The following CSMD1 variants were observed in gnomAD, a reference collection of about 807,000 sequenced individuals.
The protein encoded by CSMD1 is CUB and sushi domain-containing protein 1.
In CSMD1, 213 loss-of-function variants were observed where a neutral mutation model predicts 417.5. The ratio of observed to expected loss-of-function variants is 0.51; its 90% confidence interval spans 0.46 to 0.57. CSMD1 has a LOEUF of 0.57. Among genes scored for constraint, CSMD1 ranks in the 20% least tolerant of loss-of-function variants. The pLI is 0.00. For missense variants in CSMD1, 6,923 were observed against 4,529.7 expected (o/e 1.53, Z -15.17); for synonymous variants, 2,862 against 1,736.8 (o/e 1.65, Z -16.11).
chr8:3,396,216 G>A lies in CSMD1; in HGVS notation c.2571C>T (p.Ile857=), dbSNP rs777357198. 3.2e-6 allele frequency: 5 copies of A among 1,565,896 alleles called. No homozygotes were observed. The highest frequency in any genetic ancestry group is 2.4e-5 in the South Asian group (2 of 84,944). The change falls in exon 17 of 70, where the codon ATC becomes ATT. Residue 857 remains isoleucine (I), a synonymous_variant. Transcript: ENST00000635120. Reference sequence around the variant, plus strand: ...CACTCTCATAGTGGATGAGGAAGCCGATGCTGGAGCGGCTGTTGTCAGTGG... The same window carrying A: ...CACTCTCATAGTGGATGAGGAAGCCAATGCTGGAGCGGCTGTTGTCAGTGG... The part of the protein sequence containing the change: ...LFTTDNSRSS[I]GFLIHYESVT...
rs923691834 is a variant in CSMD1 at position 3,593,057 on chromosome 8, G to A, written c.1098-6797C>T. 3.3e-5 allele frequency among the ~76,000 whole-genome samples: 5 copies of A among 152,310 alleles called. No homozygotes were observed. The East Asian group carries it at 5.8e-4, about 18-fold the overall frequency. On this transcript the variant is annotated intron_variant, in intron 8 of 69. Coordinates refer to ENST00000635120, the MANE Select transcript of CSMD1 (RefSeq NM_033225.6). ...AGAGGCTGGAAGCCCTGGCTGGGGG[G>A]TCCTGCCCAGTGAGAAGGAATGGAG... is the stretch of plus-strand genomic sequence containing the variant.
chr8:4,152,034 C>A (rs1030927334), intron 3 of CSMD1, among the ~76,000 whole-genome samples: 1 of 152,106 alleles, frequency 6.6e-6, no homozygotes, highest in Admixed American at 6.6e-5. Flanking sequence ...AGCTCGATAC[C>A]TTCATTTGAC....
At chr8:3,455,732 C>T (rs147048430) in intron 12 of CSMD1, among the ~76,000 whole-genome samples, 1,749 of 152,300 alleles carry the variant, frequency 0.011, 13 homozygotes, top group Non-Finnish European at 0.018. Flanking sequence ...ACTGGGGATG[C>T]GTCCCAGTTA....
intron 53 of CSMD1, among the ~76,000 whole-genome samples, chr8:2,999,391 T>A (rs1295329509): frequency 6.6e-6 from 1 of 152,078 alleles, no homozygotes; most frequent in East Asian, 1.9e-4. Context: ...TGACCTCAGG[T>A]GATCCACCTG....
chr8:3,921,800 A>C (rs538757069), intron 5 of CSMD1, among the ~76,000 whole-genome samples: 7 of 152,186 alleles, frequency 4.6e-5, no homozygotes, highest in African/African-American at 1.4e-4. Flanking sequence ...TTTATGGCCT[A>C]ACATATGATC....
intron 50 of CSMD1, among the ~76,000 whole-genome samples, chr8:3,034,104 G>C (rs1379911001): frequency 6.6e-6 from 1 of 152,220 alleles, no homozygotes; most frequent in Non-Finnish European, 1.5e-5. Flanking sequence ...ACCTTGCCTG[G>C]ATTTGAAGGC....
In CSMD1 at chr8:3,418,573, T is replaced by C. The variant is rs186687075; in HGVS notation, c.1562-8968A>G. Among the ~76,000 whole-genome samples the C allele has an allele frequency of 6.0e-4, 91 of 152,332 alleles. No homozygotes were observed. In the Middle Eastern group the frequency reaches 0.034, roughly 57 times the overall value. On this transcript the variant is annotated intron_variant, in intron 12 of 69. Transcript: ENST00000635120. ...ATTTGGGTATATAAAAGCATTGATT[T>C]TGAGCTGAAGATTCAGATCCAACAA...
intron 5 of CSMD1, among the ~76,000 whole-genome samples, chr8:3,809,253 G>GA (rs1800926393): frequency 6.6e-6 from 1 of 152,130 alleles, no homozygotes; most frequent in East Asian, 1.9e-4. Flanking sequence ...CTTCTGACCA[G>GA]CTGGGTCAGG....
chr8:3,520,555 C>T (rs113968493), intron 10 of CSMD1, among the ~76,000 whole-genome samples: 1 of 152,116 alleles, frequency 6.6e-6, no homozygotes, highest in East Asian at 1.9e-4. Flanking sequence ...CCCATCATTT[C>T]TAGAAGTGCG....
intron 49 of CSMD1, among the ~76,000 whole-genome samples, chr8:3,062,080 T>C (rs1432705704): frequency 6.6e-6 from 1 of 152,196 alleles, no homozygotes; most frequent in East Asian, 1.9e-4. Flanking sequence ...AGAAATACAT[T>C]TTCAAATATG....
intron 3 of CSMD1, among the ~76,000 whole-genome samples, chr8:4,262,075 A>C (rs990843776): frequency 6.6e-6 from 1 of 152,136 alleles, no homozygotes; most frequent in Non-Finnish European, 1.5e-5. Flanking sequence ...GATTTTTTTT[A>C]ACCTCTAAAG....
chr8:4,195,582 G>T (rs945485644), intron 3 of CSMD1, among the ~76,000 whole-genome samples: 1 of 152,126 alleles, frequency 6.6e-6, no homozygotes, highest in African/African-American at 2.4e-5. Context: ...AGAGGTGAGC[G>T]TTGTCACTGT....
At chr8:3,965,595 T>G (rs1167732674) in intron 5 of CSMD1, among the ~76,000 whole-genome samples, 1 of 152,048 alleles carries the variant, frequency 6.6e-6, no homozygotes, top group Admixed American at 6.6e-5. Context: ...ATGGTTATGA[T>G]TTTTTAAAAT....
chr8:4,312,712 A>G (rs1305678357), intron 3 of CSMD1, among the ~76,000 whole-genome samples: 2 of 151,988 alleles, frequency 1.3e-5, no homozygotes, highest in Non-Finnish European at 2.9e-5. Flanking sequence ...CCCCATTTCT[A>G]CTAACGAAAA....
chr8:3,976,096 A>T (rs1164711587), intron 5 of CSMD1, among the ~76,000 whole-genome samples: 1 of 152,102 alleles, frequency 6.6e-6, no homozygotes, highest in African/African-American at 2.4e-5. Context: ...ACGAACTTGT[A>T]AGAATCTAAT....
At position 3,237,160 on chromosome 8, in the gene CSMD1, T is replaced by G. The variant is rs536589663; in HGVS notation, c.4154-6929A>C. Among the ~76,000 whole-genome samples, 8 of 151,308 alleles carry G rather than the reference T, an allele frequency of 5.3e-5. No individual in the cohort carries two copies. In the East Asian group the frequency reaches 5.8e-4, roughly 11 times the overall value. ...TCTTTTTGCAACTAGATAAGAGAGA[T>G]ATATATATAGTCTCACAACTTTGCA... On this transcript the variant is annotated intron_variant, in intron 26 of 69. Transcript: ENST00000635120.
chr8:4,167,791 A>T (rs867651220), intron 3 of CSMD1, among the ~76,000 whole-genome samples: 8 of 152,114 alleles, frequency 5.3e-5, no homozygotes, highest in African/African-American at 1.9e-4. Flanking sequence ...GGAGTTTGAG[A>T]CTAGCCTGGG....
intron 1 of CSMD1, among the ~76,000 whole-genome samples, chr8:4,738,931 G>A (rs1810424047): frequency 6.6e-6 from 1 of 151,978 alleles, no homozygotes. Context: ...GTATGTGTTA[G>A]AAGGCAATGT....
chr8:4,794,346 A>G (rs1003052335), intron 1 of CSMD1, among the ~76,000 whole-genome samples: 3 of 152,224 alleles, frequency 2.0e-5, no homozygotes, highest in African/African-American at 4.8e-5. Flanking sequence ...ATGAGTGACT[A>G]TTTCTCATAT....
Sources: gnomAD v4.1 joint callset for allele counts (sites outside exome capture counted in the v4.1 genomes callset) on GRCh38, gnomAD v4.1.1 for gene constraint, MANE v1.5 for transcripts, NCBI Gene and HGNC (gene_info 2026-07-23, HGNC 2026-07-21) for gene names.